CLHC1: variants seen among roughly 807,000 people sequenced by gnomAD.
CLHC1 encodes clathrin heavy chain linker domain-containing protein 1.
Under a neutral mutation model 69.5 loss-of-function variants are expected in CLHC1, and 72 were observed. The observed-to-expected ratio is 1.04, with a 90% CI of 0.86 to 1.26. The LOEUF (loss-of-function observed/expected upper bound fraction) is 1.26, where lower values mean the gene tolerates loss of function less well. Ranked by LOEUF, CLHC1 falls within the 50% of genes most tolerant of loss-of-function variation. The probability of loss-of-function intolerance (pLI) is 0.00; values close to 1 mark genes in which losing one functional copy is unlikely to be tolerated. For missense variants in CLHC1, 790 were observed against 679.3 expected (o/e 1.16, Z -1.81); for synonymous variants, 223 against 224.3 (o/e 0.99, Z 0.05).
chr2:55,183,329 T>C (rs1356799904), intron 9 of CLHC1, among the ~76,000 whole-genome samples: 3 of 152,192 alleles, frequency 2.0e-5, no homozygotes, highest in Non-Finnish European at 2.9e-5. Context: ...ATGACCAAGA[T>C]ATTATCCAGT....
Position 55,177,606 on chromosome 2 carries a change from C to G in CLHC1, c.1560G>C (p.Gly520=). ...IKLLQEINKG[G]IDAVESLMIN... ...ACAACATTTTATTCTACTTACCTAT[C>G]CCACCTTTATTGATTTCTTGAAGTA... The change falls in exon 12 of 13, where the codon GGG becomes GGC. Residue 520 remains glycine (G), a synonymous_variant. Transcript: ENST00000401408. 6.3e-7 allele frequency: 1 copy of G among 1,598,082 alleles called. No homozygotes were observed. Among genetic ancestry groups the G allele is most frequent in the African/African-American group, 1.3e-5 (1 of 74,622 alleles).
intron 9 of CLHC1, among the ~76,000 whole-genome samples, chr2:55,204,453 A>T (rs1672249232): frequency 6.6e-6 from 1 of 152,240 alleles, no homozygotes; most frequent in Non-Finnish European, 1.5e-5. Context: ...TTTATCCAAG[A>T]GTCAGGCAAT....
chr2:55,213,148 C>T (rs1467653647), intron 4 of CLHC1, among the ~76,000 whole-genome samples: 1 of 152,154 alleles, frequency 6.6e-6, no homozygotes, highest in Non-Finnish European at 1.5e-5. Context: ...TAATAAATTA[C>T]CACTAACCTG....
chr2:55,184,425 A>G (rs1670226529), intron 9 of CLHC1, among the ~76,000 whole-genome samples: 1 of 152,088 alleles, frequency 6.6e-6, no homozygotes, highest in East Asian at 1.9e-4. Context: ...TTTTTCAAGT[A>G]ATAAAACTGA....
intron 1 of CLHC1, among the ~76,000 whole-genome samples, chr2:55,229,014 AG>A (rs1207374072): frequency 6.6e-6 from 1 of 152,010 alleles, no homozygotes; most frequent in Non-Finnish European, 1.5e-5. Context: ...AGCTGGGCGC[AG>A]GGGCTCACAC....
chr2:55,209,090 G>A (rs967129589), intron 7 of CLHC1, among the ~76,000 whole-genome samples: 6 of 151,858 alleles, frequency 4.0e-5, no homozygotes, highest in Admixed American at 1.3e-4. Context: ...ACCCAGGATG[G>A]TCTCGATCTT....
intron 7 of CLHC1, among the ~76,000 whole-genome samples, 176 bp downstream of exon 7, chr2:55,209,228 A>G (rs1300592918): frequency 4.6e-5 from 7 of 152,096 alleles, no homozygotes; most frequent in Admixed American, 1.3e-4. Context: ...CACCAAGTCT[A>G]TTCTTTACTA....
chr2:55,212,148 G>A (rs1251795599), intron 5 of CLHC1, among the ~76,000 whole-genome samples: 6 of 152,188 alleles, frequency 3.9e-5, no homozygotes, highest in South Asian at 4.2e-4. Context: ...ACAGTGGCAC[G>A]CGCCTGTAAT....
upstream of CLHC1, chr2:55,232,374 C>T (rs181416591): frequency 5.8e-5 from 16 of 276,658 alleles, no homozygotes; most frequent in East Asian, 6.4e-4. Context: ...GAATGCACTT[C>T]CATTTCCTAC....
At chr2:55,207,651 T>C (rs949764280) in intron 8 of CLHC1, among the ~76,000 whole-genome samples, 18 of 152,158 alleles carry the variant, frequency 1.2e-4, no homozygotes, top group African/African-American at 4.1e-4. Flanking sequence ...TTAAAGAATA[T>C]AGTCTTACTA....
chr2:55,225,827 TGA>T (rs1429191085), intron 2 of CLHC1: 2 of 152,242 alleles, frequency 1.3e-5, no homozygotes, highest in Non-Finnish European at 2.9e-5. Flanking sequence ...CTTAGATTTC[TGA>T]GAGGCAGGAA....
At chr2:55,227,961 C>A (rs369945621) in intron 2 of CLHC1, 71 bp downstream of exon 2, 1 of 152,132 alleles carries the variant, frequency 6.6e-6, no homozygotes, top group Non-Finnish European at 1.5e-5. Context: ...ATTCTCTCCC[C>A]CTCCCTGCAG....
intron 3 of CLHC1, among the ~76,000 whole-genome samples, chr2:55,219,022 A>C (rs1218779707): frequency 6.6e-6 from 1 of 152,208 alleles, no homozygotes; most frequent in Non-Finnish European, 1.5e-5. Flanking sequence ...TCTCCTGGCA[A>C]GTGCCAGGAG....
intron 9 of CLHC1, among the ~76,000 whole-genome samples, chr2:55,183,270 A>G (rs533389927): frequency 5.3e-5 from 8 of 152,366 alleles, no homozygotes; most frequent in African/African-American, 1.9e-4. Context: ...TGGGTACCTA[A>G]AAATAAAACT....
intron 8 of CLHC1, chr2:55,206,693 T>C (rs1381289358): frequency 7.9e-6 from 2 of 251,608 alleles, no homozygotes; most frequent in South Asian, 6.6e-5. Flanking sequence ...TTGAATTTAT[T>C]ATGAACTCAG....
At position 55,217,552 on chromosome 2, in the gene CLHC1, AATATATATATATATATATATATAT is replaced by A. The variant is rs781577612; in HGVS notation, c.365+235_365+258del. Among the ~76,000 whole-genome samples the A allele has an allele frequency of 5.4e-3, 232 of 43,164 alleles. 4 individuals are homozygous for A. The highest frequency in any genetic ancestry group is 0.027 in the African/African-American group (224 of 8,282). The allele number at this position is 43,164 out of a possible 152,430, so 28.3% of individuals were successfully genotyped here. A position where few individuals can be genotyped will look rare whatever the true frequency, so the allele number is the denominator to read the frequency against. ...AAAAAAAAAAAAAAAAAAAAAAAAA[AATATATATATATATATATATATAT>A]ATATATATACTAAGAGGTACTATAA... On this transcript the variant is annotated intron_variant, in intron 4 of 12. Transcript: ENST00000401408.
chr2:55,230,988 G>A (rs1304155819), intron 1 of CLHC1, among the ~76,000 whole-genome samples: 7 of 152,138 alleles, frequency 4.6e-5, no homozygotes, highest in African/African-American at 1.4e-4. Context: ...GGTGGCTCAC[G>A]CCTGTAATCT....
intron 11 of CLHC1, among the ~76,000 whole-genome samples, chr2:55,179,764 TCA>T (rs771576417): frequency 1.1e-4 from 16 of 152,200 alleles, no homozygotes; most frequent in South Asian, 2.1e-4. Flanking sequence ...AGATTACCGT[TCA>T]ATTGTAATCT....
chr2:55,204,100 C>T (rs533131751), intron 9 of CLHC1, among the ~76,000 whole-genome samples: 87 of 152,278 alleles, frequency 5.7e-4, no homozygotes, highest in African/African-American at 2.0e-3. Context: ...GCCTGACCAA[C>T]ATGATGAAAC....
Sources: allele counts gnomAD v4.1 joint callset (sites outside exome capture counted in the v4.1 genomes callset), GRCh38; gene constraint gnomAD v4.1.1; transcripts MANE v1.5; gene names NCBI Gene and HGNC (gene_info 2026-07-23, HGNC 2026-07-21).